The following TOX2 variants were observed in gnomAD, a reference collection of about 807,000 sequenced individuals.
The protein encoded by TOX2 is granulosa cell HMG box 1.
Under a neutral mutation model 47.4 loss-of-function variants are expected in TOX2, and 15 were observed. That is an observed-to-expected ratio of 0.32 (90% CI 0.21 to 0.49). The LOEUF is 0.49. Among genes scored for constraint, TOX2 ranks in the 20% least tolerant of loss-of-function variants. The probability of loss-of-function intolerance (pLI) is 0.99; values close to 1 mark genes in which losing one functional copy is unlikely to be tolerated. For missense variants in TOX2, 622 were observed against 673.1 expected, an observed-to-expected ratio of 0.92 and a Z score of 0.84; for synonymous variants, 290 against 296.6, an observed-to-expected ratio of 0.98 and a Z score of 0.23.
intron 3 of TOX2, among the ~76,000 whole-genome samples, chr20:44,015,511 TGCAAAAGCTAAGCTA>T (rs1225155842): frequency 2.1e-4 from 32 of 152,222 alleles, no homozygotes; most frequent in African/African-American, 6.5e-4. Context: ...GGTACTCGGC[TGCAAAAGCTAAGCTA>T]ATAAAAGCTG....
At chr20:44,066,229 T>C in intron 7 of TOX2, 122 bp downstream of exon 7, 1 of 1,080,254 alleles carries the variant, frequency 9.3e-7, no homozygotes, top group South Asian at 1.7e-5. Flanking sequence ...GCACCTGACC[T>C]CTCTGAGCCT....
intron 2 of TOX2, among the ~76,000 whole-genome samples, chr20:43,999,015 C>T (rs1238977751): frequency 6.6e-6 from 1 of 152,182 alleles, no homozygotes; most frequent in African/African-American, 2.4e-5. Flanking sequence ...CCACCTTGGC[C>T]TCTCAAAGTT....
intron 2 of TOX2, among the ~76,000 whole-genome samples, chr20:43,977,531 A>G (rs905707088): frequency 5.9e-5 from 9 of 152,132 alleles, no homozygotes; most frequent in African/African-American, 1.7e-4. Flanking sequence ...GTATTAGCTG[A>G]CTGTGTCCCT....
chr20:44,023,435 A>G (rs1380236844), intron 3 of TOX2, among the ~76,000 whole-genome samples: 2 of 151,102 alleles, frequency 1.3e-5, no homozygotes, highest in Admixed American at 6.6e-5. Flanking sequence ...ATCTCAGAAA[A>G]AAAAAAAAAA....
At chr20:43,984,698 C>T (rs2070234979) in intron 2 of TOX2, among the ~76,000 whole-genome samples, 1 of 152,152 alleles carries the variant, frequency 6.6e-6, no homozygotes. Flanking sequence ...AGATATTTTT[C>T]ATACAATGCA....
chr20:43,994,762 T>C (rs891834246), intron 2 of TOX2, among the ~76,000 whole-genome samples: 9 of 152,294 alleles, frequency 5.9e-5, no homozygotes, highest in East Asian at 5.8e-4. Context: ...CGAGAACACA[T>C]GGGGATTATC....
At chr20:44,050,160 CAT>C (rs2071484165) in intron 3 of TOX2, among the ~76,000 whole-genome samples, 1 of 152,052 alleles carries the variant, frequency 6.6e-6, no homozygotes, top group African/African-American at 2.4e-5. Context: ...TGCATCAAAA[CAT>C]ATCGTACATA....
chr20:43,981,804 G>A (rs544261584), intron 2 of TOX2, among the ~76,000 whole-genome samples: 1 of 152,298 alleles, frequency 6.6e-6, no homozygotes, highest in South Asian at 2.1e-4. Flanking sequence ...CTGGTCCCAT[G>A]GGCAGATTGA....
At chr20:44,003,936 T>C (rs1447170971) in intron 2 of TOX2, among the ~76,000 whole-genome samples, 1 of 152,152 alleles carries the variant, frequency 6.6e-6, no homozygotes, top group African/African-American at 2.4e-5. Flanking sequence ...CATCGTGTGA[T>C]GATCATCTTG....
intron 1 of TOX2, among the ~76,000 whole-genome samples, chr20:43,929,576 C>T (rs530590703): frequency 6.6e-5 from 10 of 152,354 alleles, no homozygotes; most frequent in African/African-American, 2.2e-4. Flanking sequence ...TCATTCTTTA[C>T]ATGGCTGGCT....
At chr20:43,975,274 C>T (rs910821265) in intron 2 of TOX2, among the ~76,000 whole-genome samples, 2 of 152,014 alleles carry the variant, frequency 1.3e-5, no homozygotes, top group Non-Finnish European at 2.9e-5. Context: ...AGAGCACAGT[C>T]GTTTGGAGAG....
At chr20:43,942,982 AC>A (rs923387865) in intron 1 of TOX2, among the ~76,000 whole-genome samples, 1 of 152,064 alleles carries the variant, frequency 6.6e-6, no homozygotes, top group Admixed American at 6.5e-5. Flanking sequence ...CAGCGATGGG[AC>A]CCCCTCCAAC....
chr20:43,961,291 T>A (rs1418844603), intron 1 of TOX2, among the ~76,000 whole-genome samples: 1 of 149,202 alleles, frequency 6.7e-6, no homozygotes, highest in Non-Finnish European at 1.5e-5. Context: ...TGGGGGAGAG[T>A]GTGATCTGGG....
At chr20:44,019,172 A>G (rs765376535) in intron 3 of TOX2, among the ~76,000 whole-genome samples, 2 of 152,240 alleles carry the variant, frequency 1.3e-5, no homozygotes, top group Non-Finnish European at 2.9e-5. Context: ...CTCAAACATC[A>G]TTTTTGGAGA....
At chr20:44,026,165 T>C (rs2145669496) in intron 3 of TOX2, among the ~76,000 whole-genome samples, 1 of 148,036 alleles carries the variant, frequency 6.8e-6, no homozygotes, top group Middle Eastern at 3.5e-3. Context: ...AGCAGCACAA[T>C]TCACAATTGC....
At chr20:43,929,159 AAAACAAACAAAC>A (rs368652271) in intron 1 of TOX2, among the ~76,000 whole-genome samples, 1 of 152,024 alleles carries the variant, frequency 6.6e-6, no homozygotes, top group African/African-American at 2.4e-5. Context: ...CCCTGTCTCA[AAAACAAACAAAC>A]AAACAAACAA....
rs1555837275 is a variant in TOX2, at chr20:43,994,459, C to CA, written c.166-12073dup. Among the ~76,000 whole-genome samples, 218 of 127,950 alleles carry CA rather than the reference C, an allele frequency of 1.7e-3. 6 individuals carry two copies. The highest frequency in any genetic ancestry group is 2.8e-3 in the Admixed American group (36 of 12,638). 83.9% of individuals were successfully genotyped at this position (127,950 alleles called of 152,430 possible). On this transcript the variant is annotated intron_variant, in intron 2 of 8. Coordinates refer to ENST00000341197, the MANE Select transcript of TOX2 (RefSeq NM_001098797.2). ...GGGTGACAGAGCCAGACCCTGTCTC[C>CA]AAAAAAAAAAAAAAAGACTACCACT...
chr20:43,947,968 A>C (rs924116157), intron 1 of TOX2, among the ~76,000 whole-genome samples: 1 of 152,106 alleles, frequency 6.6e-6, no homozygotes, highest in African/African-American at 2.4e-5. Flanking sequence ...CAGGTTTAAG[A>C]CCTTGTTTTA....
At chr20:44,051,206 C>T in intron 3 of TOX2, 100 bp from the exon 4 acceptor site, 1 of 1,498,098 alleles carries the variant, frequency 6.7e-7, no homozygotes, top group South Asian at 1.4e-5. Flanking sequence ...GCACCCATCA[C>T]TTCTCCTCTG....
Sources: allele counts gnomAD v4.1 joint callset (sites outside exome capture counted in the v4.1 genomes callset), GRCh38; gene constraint gnomAD v4.1.1; transcripts MANE v1.5; gene names NCBI Gene and HGNC (gene_info 2026-07-23, HGNC 2026-07-21).